The following ZNF626 variants were observed in gnomAD, a reference collection of about 807,000 sequenced individuals.
ZNF626 encodes the protein CTC-513N18.7.
Under a neutral mutation model 11.7 loss-of-function variants are expected in ZNF626, and 4 were observed. That is an observed-to-expected ratio of 0.34 (90% CI 0.17 to 0.78). ZNF626 has a LOEUF of 0.78. Among genes scored for constraint, ZNF626 ranks in the 30% least tolerant of loss-of-function variants. The pLI is 0.57. For synonymous variants in ZNF626, 179 were observed against 198.6 expected, an observed-to-expected ratio of 0.90 and a Z score of 0.83; for missense variants, 588 against 587.1, an observed-to-expected ratio of 1.00 and a Z score of -0.01.
At chr19:20,630,566 T>C (rs1224883420) in intron 3 of ZNF626, among the ~76,000 whole-genome samples, 2 of 152,188 alleles carry the variant, frequency 1.3e-5, no homozygotes, top group Admixed American at 6.5e-5. Flanking sequence ...TTTATTTGCA[T>C]AGAGGTGTTT....
chr19:20,633,644 G>A (rs907773203), intron 3 of ZNF626, among the ~76,000 whole-genome samples: 8 of 152,178 alleles, frequency 5.3e-5, no homozygotes, highest in Non-Finnish European at 8.8e-5. Flanking sequence ...TTGGAAAAGC[G>A]CAGTATTAGG....
At position 20,625,567 on chromosome 19, in the gene ZNF626, C is replaced by T. The variant is rs1969819664; in HGVS notation, c.310G>A (p.Glu104Lys). 5.6e-6 allele frequency: 9 copies of T among 1,611,626 alleles called. No homozygotes were observed. The highest frequency in any genetic ancestry group is 7.6e-6 in the Non-Finnish European group (9 of 1,178,920). The change falls in exon 4 of 4, where the codon GAA becomes AAA. Residue 104 changes from glutamate (E) to lysine (K), a missense_variant. Transcript: ENST00000601440. The stretch of plus-strand genomic sequence containing the variant: ...TGTAAATTGTCATGTTCACATTTTT[C>T]ATATCTTCTCAGTACCACTTTTTGG... ...SFQKVVLRRY[E>K]KCEHDNLQLK...
chr19:20,633,412 T>C (rs1284211415), intron 3 of ZNF626, among the ~76,000 whole-genome samples: 10 of 152,234 alleles, frequency 6.6e-5, no homozygotes, highest in Non-Finnish European at 1.3e-4. Flanking sequence ...GCAGGCCTCC[T>C]TGAGCTGTGG....
At chr19:20,638,311 G>C (rs1599479417) in intron 3 of ZNF626, among the ~76,000 whole-genome samples, 1 of 151,916 alleles carries the variant, frequency 6.6e-6, no homozygotes, top group Non-Finnish European at 1.5e-5. Context: ...TGTAATCCCA[G>C]CTACTCTGGA....
chr19:20,642,489 C>T (rs7258892), intron 3 of ZNF626, among the ~76,000 whole-genome samples: 5 of 151,598 alleles, frequency 3.3e-5, no homozygotes, highest in Non-Finnish European at 7.4e-5. Flanking sequence ...CCAGCTATTC[C>T]GGAGGCTGAG....
Position 20,622,720 on chromosome 19 carries a change from TGTG to T in ZNF626, c.*1567_*1569del, listed in dbSNP as rs1969771529. Reference sequence around the variant, plus strand: ...TATATACAAATTTAACAACTTTAGTTGTGAATTCATTTATATACTCAACACTCT... The same window carrying T: ...TATATACAAATTTAACAACTTTAGTTAATTCATTTATATACTCAACACTCT... On this transcript the variant is annotated 3_prime_UTR_variant, in exon 4 of 4. Transcript: ENST00000601440. 1 of 152,358 alleles carries T rather than the reference TGTG, an allele frequency of 6.6e-6. No individual in the cohort carries two copies. Among genetic ancestry groups the T allele is most frequent in the African/African-American group, 2.4e-5 (1 of 41,592 alleles). The allele number at this position is 152,358 out of a possible 1,614,324, so 9.4% of individuals were successfully genotyped here.
At position 20,625,705 on chromosome 19, in the gene ZNF626, AATAT is replaced by A. The variant is rs782173227; in HGVS notation, c.227-59_227-56del. Reference sequence around the variant, plus strand: ...CAATTGGTAGACTCAGATAAATATAAATATATATATGCAGTTTGTATAGTTTTAT... The same window carrying A: ...CAATTGGTAGACTCAGATAAATATAAATATATGCAGTTTGTATAGTTTTAT... On this transcript the variant is annotated intron_variant, in intron 3 of 3. Transcript: ENST00000601440. 239 of 1,479,520 alleles carry A rather than the reference AATAT, an allele frequency of 1.6e-4. 3 individuals carry two copies. The East Asian group carries it at 4.5e-3, about 28-fold the overall frequency. 91.6% of individuals were successfully genotyped at this position (1,479,520 alleles called of 1,614,324 possible).
intron 3 of ZNF626, among the ~76,000 whole-genome samples, chr19:20,632,897 T>C (rs1366018378): frequency 1.3e-5 from 2 of 152,186 alleles, no homozygotes; most frequent in Non-Finnish European, 2.9e-5. Context: ...TGCTCTGTTT[T>C]TTTCCCATCT....
chr19:20,653,619 ACT>A lies in ZNF626; in HGVS notation c.4-7216_4-7215del, dbSNP rs1555772793. 1.9e-3 allele frequency among the ~76,000 whole-genome samples: 276 copies of A among 145,326 alleles called. 1 individual carries two copies. The highest frequency in any genetic ancestry group is 6.8e-3 in the African/African-American group (265 of 38,958). On this transcript the variant is annotated intron_variant, in intron 1 of 3. Coordinates refer to ENST00000601440, the MANE Select transcript of ZNF626 (RefSeq NM_001076675.3). Reference sequence around the variant, plus strand: ...ACTCCAGCCTGGGGGACAGAGTGAGACTCTGTCCCCTGCCCTCCCAGCAAAAA... The same window carrying A: ...ACTCCAGCCTGGGGGACAGAGTGAGACTGTCCCCTGCCCTCCCAGCAAAAA...
chr19:20,640,644 G>C (rs1599480677), intron 3 of ZNF626, among the ~76,000 whole-genome samples: 1 of 139,054 alleles, frequency 7.2e-6, no homozygotes, highest in East Asian at 2.1e-4. Flanking sequence ...AAAATTACTA[G>C]TTTATAGAGA....
intron 3 of ZNF626, among the ~76,000 whole-genome samples, chr19:20,633,875 A>G (rs115591425): frequency 0.14 from 21,873 of 152,114 alleles, 1,707 homozygotes; most frequent in Middle Eastern, 0.19. Context: ...CCCATCTTCT[A>G]TATCGCTCAC....
chr19:20,655,530 A>G (rs1970195278), intron 1 of ZNF626, among the ~76,000 whole-genome samples: 1 of 152,188 alleles, frequency 6.6e-6, no homozygotes, highest in Admixed American at 6.5e-5. Flanking sequence ...CTGGAGTCAG[A>G]AAAAATGACA....
At chr19:20,636,868 A>T (rs1969970615) in intron 3 of ZNF626, among the ~76,000 whole-genome samples, 1 of 152,108 alleles carries the variant, frequency 6.6e-6, no homozygotes, top group Non-Finnish European at 1.5e-5. Flanking sequence ...TAAAAGTGCA[A>T]AAATTATTTG....
Position 20,624,203 on chromosome 19 carries a change from G to C in ZNF626, c.*87C>G. 1 of 1,604,036 alleles carries C rather than the reference G, an allele frequency of 6.2e-7. No homozygotes were observed. Among genetic ancestry groups the C allele is most frequent in the Non-Finnish European group, 8.5e-7 (1 of 1,172,220 alleles). On this transcript the variant is annotated 3_prime_UTR_variant, in exon 4 of 4. Coordinates refer to ENST00000601440, the MANE Select transcript of ZNF626 (RefSeq NM_001076675.3). The stretch of plus-strand genomic sequence containing the variant: ...CATCTGTAGGGTTTTTTTCCAGTAT[G>C]AATTTTCTTATGTGTAGTAAGGTTA...
intron 1 of ZNF626, among the ~76,000 whole-genome samples, chr19:20,646,935 C>T (rs1245700374): frequency 6.6e-6 from 1 of 152,136 alleles, no homozygotes; most frequent in African/African-American, 2.4e-5. Context: ...GCCACCTCCG[C>T]CTCCCGGGTT....
intron 1 of ZNF626, among the ~76,000 whole-genome samples, chr19:20,647,151 G>A (rs1970089046): frequency 6.6e-6 from 1 of 152,120 alleles, no homozygotes; most frequent in East Asian, 1.9e-4. Flanking sequence ...GGCCAATGTG[G>A]TGAATTTCTA....
At chr19:20,643,720 C>T (rs973736471) in intron 3 of ZNF626, among the ~76,000 whole-genome samples, 1 of 152,130 alleles carries the variant, frequency 6.6e-6, no homozygotes, top group Non-Finnish European at 1.5e-5. Flanking sequence ...CATTATGGTT[C>T]ACATCTGTAA....
chr19:20,630,776 T>C (rs1401825944), intron 3 of ZNF626, among the ~76,000 whole-genome samples: 3 of 152,144 alleles, frequency 2.0e-5, no homozygotes, highest in Non-Finnish European at 4.4e-5. Flanking sequence ...GTGTCTCTAT[T>C]TCCTTCAGTT....
intron 3 of ZNF626, among the ~76,000 whole-genome samples, chr19:20,644,152 G>A (rs1555771693): frequency 6.6e-6 from 1 of 152,152 alleles, no homozygotes; most frequent in Admixed American, 6.5e-5. Context: ...CCCTGAAACA[G>A]TTCACTGACT....
Sources: gnomAD v4.1 joint callset for allele counts (sites outside exome capture counted in the v4.1 genomes callset) on GRCh38, gnomAD v4.1.1 for gene constraint, MANE v1.5 for transcripts, NCBI Gene and HGNC (gene_info 2026-07-23, HGNC 2026-07-21) for gene names.